The following ATP6V0E1 variants were observed in gnomAD, a reference collection of about 807,000 sequenced individuals.
The protein encoded by ATP6V0E1 is ATPase H+ transporting V0 subunit e1.
A neutral mutation model predicts 11.6 loss-of-function variants in ATP6V0E1; 4 were observed. The observed-to-expected ratio is 0.35, with a 90% CI of 0.17 to 0.79. The LOEUF (loss-of-function observed/expected upper bound fraction) is 0.79, where lower values mean the gene tolerates loss of function less well. Ranked by LOEUF, ATP6V0E1 falls within the 30% of genes least tolerant of loss-of-function variation. ATP6V0E1 has a pLI of 0.54. For missense variants in ATP6V0E1, 105 were observed against 100.0 expected, an observed-to-expected ratio of 1.05 and a Z score of -0.21; for synonymous variants, 36 against 34.8, an observed-to-expected ratio of 1.04 and a Z score of -0.13.
chr5:172,997,443 C>CTTT (rs370971881), intron 2 of ATP6V0E1, among the ~76,000 whole-genome samples: 3 of 151,542 alleles, frequency 2.0e-5, no homozygotes, highest in Non-Finnish European at 2.9e-5. Context: ...GAAATTCAGT[C>CTTT]TTTTTTTTTC....
intron 2 of ATP6V0E1, among the ~76,000 whole-genome samples, chr5:173,014,461 A>G (rs1194953270): frequency 6.6e-6 from 1 of 152,204 alleles, no homozygotes; most frequent in Non-Finnish European, 1.5e-5. Flanking sequence ...GAGACAGAGA[A>G]TCAATCTAAG....
chr5:173,013,835 T>C (rs1277192409), intron 2 of ATP6V0E1, among the ~76,000 whole-genome samples: 1 of 152,066 alleles, frequency 6.6e-6, no homozygotes, highest in Non-Finnish European at 1.5e-5. Flanking sequence ...ATCATCTCAC[T>C]CCAGTTAGAA....
At chr5:173,015,650 TC>T (rs1330840085) in intron 2 of ATP6V0E1, among the ~76,000 whole-genome samples, 1 of 152,164 alleles carries the variant, frequency 6.6e-6, no homozygotes, top group African/African-American at 2.4e-5. Context: ...AGGCTGGTGT[TC>T]CCAGGAAGAG....
intron 2 of ATP6V0E1, among the ~76,000 whole-genome samples, chr5:173,014,593 A>G (rs985323130): frequency 6.6e-6 from 1 of 152,210 alleles, no homozygotes; most frequent in Admixed American, 6.5e-5. Flanking sequence ...ACTAGAGGCC[A>G]TTATCTTAAG....
chr5:173,018,015 T>G (rs1173151301), intron 2 of ATP6V0E1, among the ~76,000 whole-genome samples: 2 of 152,014 alleles, frequency 1.3e-5, no homozygotes, highest in Non-Finnish European at 2.9e-5. Flanking sequence ...TGCCCACCAA[T>G]GAAAGAAATT....
intron 2 of ATP6V0E1, among the ~76,000 whole-genome samples, chr5:173,019,615 G>A (rs1756451325): frequency 6.6e-6 from 1 of 151,662 alleles, no homozygotes. Flanking sequence ...AGTTTAGTCT[G>A]TAATACAGAG....
intron 2 of ATP6V0E1, among the ~76,000 whole-genome samples, chr5:173,012,578 C>T (rs1756344305): frequency 6.6e-6 from 1 of 151,676 alleles, no homozygotes; most frequent in South Asian, 2.1e-4. Flanking sequence ...TACGCAGAAA[C>T]CCCATCTCTA....
intron 2 of ATP6V0E1, among the ~76,000 whole-genome samples, chr5:173,012,931 G>C (rs1302016609): frequency 6.6e-6 from 1 of 152,128 alleles, no homozygotes; most frequent in Non-Finnish European, 1.5e-5. Flanking sequence ...CCAGCACTTT[G>C]GGAGGTTGAG....
rs759950635 is a variant in ATP6V0E1 at position 173,000,262 on chromosome 5, TAGTTC to T, written c.152+5443_152+5447del. On this transcript the variant is annotated intron_variant, in intron 2 of 3. Coordinates refer to ENST00000519374, the MANE Select transcript of ATP6V0E1 (RefSeq NM_003945.4). ...GCCAGTAGAATCCAGTTTCTGTTAA[TAGTTC>T]AGCAGAGGAAAATCTGAATGTTATA... 3.3e-5 allele frequency among the ~76,000 whole-genome samples: 5 copies of T among 152,198 alleles called. No homozygotes were observed. In the East Asian group the frequency reaches 5.8e-4, roughly 18 times the overall value.
intron 2 of ATP6V0E1, among the ~76,000 whole-genome samples, chr5:173,019,603 A>C (rs766232793): frequency 1.3e-5 from 2 of 151,904 alleles, no homozygotes; most frequent in Non-Finnish European, 2.9e-5. Context: ...TACTTCCTTT[A>C]TAGTTTAGTC....
intron 2 of ATP6V0E1, among the ~76,000 whole-genome samples, chr5:173,016,508 T>C (rs920653463): frequency 2.0e-5 from 3 of 152,234 alleles, no homozygotes; most frequent in African/African-American, 7.2e-5. Context: ...TACAACATCC[T>C]ACAAAGTGCT....
intron 2 of ATP6V0E1, among the ~76,000 whole-genome samples, chr5:173,018,316 T>C (rs1250169561): frequency 6.6e-6 from 1 of 152,138 alleles, no homozygotes; most frequent in African/African-American, 2.4e-5. Flanking sequence ...TGGATGAGCA[T>C]AAAGGTCTTC....
chr5:172,996,097 C>T (rs1425777896), intron 2 of ATP6V0E1, among the ~76,000 whole-genome samples: 2 of 151,950 alleles, frequency 1.3e-5, no homozygotes, highest in Non-Finnish European at 2.9e-5. Context: ...CTTTTTTTTC[C>T]AGAAACATTT....
Position 173,034,527 on chromosome 5 carries a change from G to A in ATP6V0E1, c.*165G>A. The A allele has an allele frequency of 1.5e-6, 1 of 688,752 alleles. No individual in the cohort carries two copies. 42.7% of individuals were successfully genotyped at this position (688,752 alleles called of 1,614,324 possible). ...ACATTTGAATGCCTTATTCTACAAT[G>A]CAGCGTGTTTTCCTTTGCCTTTTTT... is the stretch of plus-strand genomic sequence containing the variant. On this transcript the variant is annotated 3_prime_UTR_variant, in exon 4 of 4. Coordinates refer to ENST00000519374, the MANE Select transcript of ATP6V0E1 (RefSeq NM_003945.4).
rs996695090 is a variant in ATP6V0E1 at position 172,985,101 on chromosome 5, C to T, written c.104+1137C>T. The stretch of plus-strand genomic sequence containing the variant: ...TCTACTAAAAACACAAAAAATTAGC[C>T]GGGCGTGGTGGCGGGCGCCTGTAAT... On this transcript the variant is annotated intron_variant, in intron 1 of 3. Coordinates refer to ENST00000519374, the MANE Select transcript of ATP6V0E1 (RefSeq NM_003945.4). Among the ~76,000 whole-genome samples the T allele has an allele frequency of 3.8e-4, 58 of 152,024 alleles. No individual in the cohort carries two copies. The East Asian group carries it at 9.3e-3, about 24-fold the overall frequency.
At chr5:173,032,615 T>C (rs1756682248) in intron 3 of ATP6V0E1, among the ~76,000 whole-genome samples, 1 of 152,242 alleles carries the variant, frequency 6.6e-6, no homozygotes, top group Non-Finnish European at 1.5e-5. Flanking sequence ...ACTGGTATCA[T>C]TGATCTTGAG....
chr5:172,986,629 A>G (rs77803870), intron 1 of ATP6V0E1: 7,317 of 413,338 alleles, frequency 0.018, 456 homozygotes, highest in African/African-American at 0.14. Flanking sequence ...CTGTCTCTTC[A>G]AAAATGAAAC....
chr5:172,983,920 C>A lies in ATP6V0E1; in HGVS notation c.60C>A (p.Val20=). ...LIVMSVFWGF[V]GFLVPWFIPK... ...TGATGAGCGTGTTCTGGGGCTTCGT[C>A]GGCTTCTTGGTGCCTTGGTTCATCC... The change falls in exon 1 of 4, where the codon GTC becomes GTA. Residue 20 remains valine (V), a synonymous_variant. Transcript: ENST00000519374. 18 of 1,613,314 alleles carry A rather than the reference C, an allele frequency of 1.1e-5. No individual in the cohort carries two copies. Among genetic ancestry groups the A allele is most frequent in the Non-Finnish European group, 1.5e-5 (18 of 1,179,822 alleles).
At chr5:173,018,601 C>A (rs191259107) in intron 2 of ATP6V0E1, among the ~76,000 whole-genome samples, 2 of 152,034 alleles carry the variant, frequency 1.3e-5, no homozygotes, top group Non-Finnish European at 2.9e-5. Context: ...ACCACCCTGT[C>A]GAAATAATGC....
Sources: gnomAD v4.1 joint callset for allele counts (sites outside exome capture counted in the v4.1 genomes callset) on GRCh38, gnomAD v4.1.1 for gene constraint, MANE v1.5 for transcripts, NCBI Gene and HGNC (gene_info 2026-07-23, HGNC 2026-07-21) for gene names.